Variants in SEMA3A observed in about 807,000 individuals in gnomAD.
SEMA3A encodes the protein semaphorin-3A.
A neutral mutation model predicts 97.9 loss-of-function variants in SEMA3A; 29 were observed. That is an observed-to-expected ratio of 0.30 (90% confidence interval 0.22 to 0.40). SEMA3A has a LOEUF of 0.40. Among genes scored for constraint, SEMA3A ranks in the 10% least tolerant of loss-of-function variants. The pLI, the probability that SEMA3A is intolerant of heterozygous loss-of-function variation, is 1.00. For synonymous variants in SEMA3A, 321 were observed against 323.7 expected (o/e 0.99, Z 0.09); for missense variants, 763 against 951.3 (o/e 0.80, Z 2.60).
intron 6 of SEMA3A, among the ~76,000 whole-genome samples, chr7:84,024,876 TGAG>T (rs1468542995): frequency 6.6e-6 from 1 of 152,026 alleles, no homozygotes; most frequent in East Asian, 1.9e-4. Context: ...TCACTTGAGG[TGAG>T]GAGTTCGAGA....
chr7:84,366,632 A>C (rs1035956310), intron 2 of SEMA3A, among the ~76,000 whole-genome samples: 1 of 151,540 alleles, frequency 6.6e-6, no homozygotes, highest in Admixed American at 6.6e-5. Flanking sequence ...TCAAGGAAGA[A>C]CATGGAACAC....
intron 1 of SEMA3A, among the ~76,000 whole-genome samples, chr7:84,151,256 C>T (rs942010741): frequency 5.5e-4 from 84 of 152,056 alleles, no homozygotes; most frequent in Non-Finnish European, 1.0e-3. Context: ...CTTTGACGAG[C>T]TGAGAGAAGA....
chr7:84,215,942 CAT>C (rs1798743838), intron 3 of SEMA3A, among the ~76,000 whole-genome samples: 1 of 151,670 alleles, frequency 6.6e-6, no homozygotes, highest in Admixed American at 6.6e-5. Flanking sequence ...CACACACACA[CAT>C]AATTACCTCA....
intron 4 of SEMA3A, among the ~76,000 whole-genome samples, chr7:84,071,769 A>G (rs755478992): frequency 1.3e-5 from 2 of 152,042 alleles, no homozygotes; most frequent in Non-Finnish European, 2.9e-5. Context: ...GATTTTTTTA[A>G]AGGTGAGGGA....
At chr7:84,258,519 G>GA (rs991385717) in intron 3 of SEMA3A, among the ~76,000 whole-genome samples, 3 of 151,214 alleles carry the variant, frequency 2.0e-5, no homozygotes, top group African/African-American at 4.9e-5. Flanking sequence ...ATCCTTGTGG[G>GA]AAAAAAAATG....
chr7:84,099,272 G>T (rs975973584), intron 4 of SEMA3A, among the ~76,000 whole-genome samples: 1 of 59,752 alleles, frequency 1.7e-5, no homozygotes, highest in Non-Finnish European at 5.4e-5. Flanking sequence ...GTGTTTCACC[G>T]TGTTAGCCAG....
At chr7:84,239,615 C>T (rs952409688) in intron 3 of SEMA3A, among the ~76,000 whole-genome samples, 3 of 152,058 alleles carry the variant, frequency 2.0e-5, no homozygotes, top group Non-Finnish European at 4.4e-5. Context: ...TTATAGTTAG[C>T]AATTTCTTTT....
intron 3 of SEMA3A, among the ~76,000 whole-genome samples, chr7:84,300,566 G>A (rs1285569968): frequency 2.0e-5 from 3 of 151,940 alleles, no homozygotes; most frequent in Non-Finnish European, 2.9e-5. Context: ...CAAATAATAA[G>A]CATGAGAATG....
chr7:83,978,403 A>T (rs775183768), intron 14 of SEMA3A, among the ~76,000 whole-genome samples: 5 of 152,166 alleles, frequency 3.3e-5, no homozygotes, highest in Non-Finnish European at 5.9e-5. Flanking sequence ...AGGAGGAGGT[A>T]GGCTGTAGTC....
chr7:84,100,889 T>C (rs1346383587), intron 4 of SEMA3A, among the ~76,000 whole-genome samples: 1 of 152,170 alleles, frequency 6.6e-6, no homozygotes, highest in African/African-American at 2.4e-5. Flanking sequence ...TAATAAAACC[T>C]TTATTGCAGA....
chr7:84,291,320 AT>A (rs1367482454), intron 3 of SEMA3A, among the ~76,000 whole-genome samples: 2 of 152,238 alleles, frequency 1.3e-5, no homozygotes, highest in East Asian at 3.9e-4. Context: ...CAAATTATTT[AT>A]CTGTTCTTAA....
rs76928552 is a variant in SEMA3A at position 84,014,004 on chromosome 7, C to T, written c.810+205G>A. Among the ~76,000 whole-genome samples, 1,512 of 152,220 alleles carry T rather than the reference C, an allele frequency of 9.9e-3. 22 individuals carry two copies. Among genetic ancestry groups the T allele is most frequent in the African/African-American group, 0.035 (1,439 of 41,542 alleles). Reference sequence around the variant, plus strand: ...TGTAATTGTGAAATAATGCCAGTTACCTCACAACCTGTACCTGTATATTTG... The same window carrying T: ...TGTAATTGTGAAATAATGCCAGTTATCTCACAACCTGTACCTGTATATTTG... On this transcript the variant is annotated intron_variant, in intron 7 of 16. Transcript: ENST00000265362.
At chr7:84,460,491 T>A (rs181491442) in intron 1 of SEMA3A, among the ~76,000 whole-genome samples, 45 of 152,300 alleles carry the variant, frequency 3.0e-4, no homozygotes, top group African/African-American at 1.1e-3. Flanking sequence ...ATGTATCTAT[T>A]TTTCTACCAT....
In SEMA3A at chr7:84,186,873, C is replaced by CTTAA. The variant is rs749384170; in HGVS notation, c.112+7601_112+7602insTTAA. ...TTAGCCTACTATCCTCTCCCACCCT[C>CTTAA]TCAATCAGTATCTTAAACAAAGAAT... On this transcript the variant is annotated intron_variant, in intron 1 of 16. Coordinates refer to ENST00000265362, the MANE Select transcript of SEMA3A (RefSeq NM_006080.3). Among the ~76,000 whole-genome samples, 13 of 152,262 alleles carry CTTAA rather than the reference C, an allele frequency of 8.5e-5. No individual in the cohort carries two copies. In the East Asian group the frequency reaches 1.2e-3, roughly 14 times the overall value.
chr7:84,406,468 G>C (rs894361694), intron 1 of SEMA3A, among the ~76,000 whole-genome samples: 2 of 152,146 alleles, frequency 1.3e-5, no homozygotes, highest in Non-Finnish European at 2.9e-5. Flanking sequence ...TCTACCAGAG[G>C]TACAAAGAGG....
At chr7:84,481,975 A>G (rs957276361) in intron 1 of SEMA3A, among the ~76,000 whole-genome samples, 20 of 151,734 alleles carry the variant, frequency 1.3e-4, no homozygotes, top group Admixed American at 5.3e-4. Flanking sequence ...TGTTTAAATT[A>G]GTACATATCT....
At chr7:84,041,907 G>A (rs765440016) in intron 6 of SEMA3A, among the ~76,000 whole-genome samples, 4 of 151,988 alleles carry the variant, frequency 2.6e-5, no homozygotes, top group Non-Finnish European at 5.9e-5. Context: ...TAGATGATCT[G>A]TTTTAGTTAT....
intron 3 of SEMA3A, among the ~76,000 whole-genome samples, chr7:84,239,150 A>G (rs993502542): frequency 2.6e-5 from 4 of 152,194 alleles, no homozygotes; most frequent in Admixed American, 2.0e-4. Flanking sequence ...ATATTTCAGA[A>G]TAGTCTGCAA....
intron 1 of SEMA3A, among the ~76,000 whole-genome samples, chr7:84,487,500 G>C (rs1458770433): frequency 6.6e-6 from 1 of 152,042 alleles, no homozygotes; most frequent in Non-Finnish European, 1.5e-5. Context: ...CTGGTTCCCT[G>C]GTAAAAGGCT....
Sources: gnomAD v4.1 joint callset for allele counts (sites outside exome capture counted in the v4.1 genomes callset) on GRCh38, gnomAD v4.1.1 for gene constraint, MANE v1.5 for transcripts, NCBI Gene and HGNC (gene_info 2026-07-23, HGNC 2026-07-21) for gene names.